The following ATG7 variants were observed in gnomAD, a reference collection of about 807,000 sequenced individuals.
The protein encoded by ATG7 is autophagy related 7.
ATG7 carries 70 observed loss-of-function variants against 82.4 expected under a neutral mutation model. That is an observed-to-expected ratio of 0.85 (90% CI 0.70 to 1.04). The LOEUF (loss-of-function observed/expected upper bound fraction) is 1.04. Ranked by LOEUF, ATG7 falls within the 50% of genes least tolerant of loss-of-function variation. The probability of loss-of-function intolerance (pLI) is 0.00; values close to 1 mark genes in which losing one functional copy is unlikely to be tolerated. For synonymous variants in ATG7, 287 were observed against 313.0 expected, an observed-to-expected ratio of 0.92 and a Z score of 0.88; for missense variants, 792 against 864.3, an observed-to-expected ratio of 0.92 and a Z score of 1.05.
intron 13 of ATG7, among the ~76,000 whole-genome samples, chr3:11,342,911 T>A: frequency 6.6e-6 from 1 of 151,258 alleles, no homozygotes; most frequent in Non-Finnish European, 1.5e-5. Flanking sequence ...ATGTCAATAT[T>A]TTATATATTT....
chr3:11,389,437 CTTTT>C (rs34261811), intron 19 of ATG7, among the ~76,000 whole-genome samples: 1 of 118,930 alleles, frequency 8.4e-6, no homozygotes, highest in African/African-American at 3.2e-5. Context: ...TTTGTTAGTG[CTTTT>C]TTTTTTTTTT....
intron 20 of ATG7, among the ~76,000 whole-genome samples, chr3:11,551,004 T>C (rs908407826): frequency 1.3e-5 from 2 of 152,200 alleles, no homozygotes; most frequent in African/African-American, 2.4e-5. Flanking sequence ...GAATCAATTT[T>C]ATCTTTTTCC....
chr3:11,438,907 G>T (rs888463414), intron 20 of ATG7, among the ~76,000 whole-genome samples: 1 of 152,140 alleles, frequency 6.6e-6, no homozygotes, highest in East Asian at 1.9e-4. Context: ...CCCTGTGACC[G>T]CTATTCTAGG....
chr3:11,560,749 G>A (rs571071732), downstream of ATG7, among the ~76,000 whole-genome samples: 9 of 152,282 alleles, frequency 5.9e-5, no homozygotes, highest in Admixed American at 2.0e-4. Flanking sequence ...TTAGTGGCCC[G>A]ACACTTAGCA....
chr3:11,518,545 C>CA lies in ATG7; in HGVS notation c.2080-36254dup, dbSNP rs907867265. Among the ~76,000 whole-genome samples, 808 of 120,506 alleles carry CA rather than the reference C, an allele frequency of 6.7e-3. 1 individual carries two copies. Among genetic ancestry groups the CA allele is most frequent in the African/African-American group, 0.011 (351 of 32,528 alleles). 79.1% of individuals were successfully genotyped at this position (120,506 alleles called of 152,430 possible). A position where few individuals can be genotyped will look rare whatever the true frequency, so the allele number is the denominator to read the frequency against. ...CTGTCAACAGAGCGAGACACCCTCT[C>CA]AAAAAAAAAAAAGAAAAAAAAAACC... is the stretch of plus-strand genomic sequence containing the variant. On this transcript the variant is annotated intron_variant, in intron 20 of 20. Transcript: ENST00000693202.
At chr3:11,478,448 G>A (rs568237078) in intron 20 of ATG7, among the ~76,000 whole-genome samples, 6 of 152,308 alleles carry the variant, frequency 3.9e-5, no homozygotes, top group African/African-American at 1.4e-4. Context: ...GCATATTAAA[G>A]ATGCCTGCTA....
intron 14 of ATG7, among the ~76,000 whole-genome samples, chr3:11,349,723 T>G (rs1355351031): frequency 6.6e-6 from 1 of 152,206 alleles, no homozygotes; most frequent in Non-Finnish European, 1.5e-5. Context: ...ATCTAATGTG[T>G]TATTTTTCCT....
intron 19 of ATG7, among the ~76,000 whole-genome samples, chr3:11,413,144 G>GGAT (rs929062653): frequency 2.0e-5 from 3 of 151,956 alleles, no homozygotes; most frequent in African/African-American, 7.3e-5. Context: ...TTTTCAATTT[G>GGAT]GATGCCTTTT....
At chr3:11,573,588 T>G in the ATG7 span, among the ~76,000 whole-genome samples, 1 of 152,192 alleles carries the variant, frequency 6.6e-6, no homozygotes, top group Non-Finnish European at 1.5e-5. Flanking sequence ...GCTGCTGCTG[T>G]GTATCCTCGG....
intron 3 of ATG7, among the ~76,000 whole-genome samples, chr3:11,295,979 T>C (rs977253956): frequency 6.6e-6 from 1 of 152,108 alleles, no homozygotes; most frequent in Non-Finnish European, 1.5e-5. Context: ...GGTTTCACCA[T>C]TTTGGTCAGG....
Position 11,360,562 on chromosome 3 carries a change from C to G in ATG7, c.1480-19C>G, listed in dbSNP as rs765207793. On this transcript the variant is annotated intron_variant, in intron 15 of 20. Coordinates refer to ENST00000693202, the MANE Select transcript of ATG7 (RefSeq NM_001349232.2). ...TATGTGTCTTTTAACTCTGCTCTTT[C>G]ATTCCTTGAAACCTGCAGCTGGTCA... 1.2e-5 allele frequency: 20 copies of G among 1,608,132 alleles called. No homozygotes were observed. Among genetic ancestry groups the G allele is most frequent in the African/African-American group, 5.4e-5 (4 of 74,760 alleles).
chr3:11,444,812 G>A (rs2084359541), intron 20 of ATG7, among the ~76,000 whole-genome samples: 1 of 152,234 alleles, frequency 6.6e-6, no homozygotes, highest in South Asian at 2.1e-4. Flanking sequence ...CTCAAACTAT[G>A]CATCTGACAA....
At chr3:11,533,448 T>C (rs1225653433) in intron 20 of ATG7, among the ~76,000 whole-genome samples, 1 of 151,440 alleles carries the variant, frequency 6.6e-6, no homozygotes, top group Non-Finnish European at 1.5e-5. Flanking sequence ...GCTTGCTTGC[T>C]GTTATTCTTC....
At chr3:11,523,536 T>G (rs555852537) in intron 20 of ATG7, among the ~76,000 whole-genome samples, 1 of 152,364 alleles carries the variant, frequency 6.6e-6, no homozygotes, top group African/African-American at 2.4e-5. Context: ...GAAAAGTCTG[T>G]GCTGCCATTC....
chr3:11,441,022 A>G (rs1021545238), intron 20 of ATG7, among the ~76,000 whole-genome samples: 3 of 152,248 alleles, frequency 2.0e-5, no homozygotes, highest in African/African-American at 7.2e-5. Context: ...AAAAAAATTC[A>G]GTATTAAACT....
chr3:11,277,925 C>T (rs1024420796), intron 1 of ATG7, among the ~76,000 whole-genome samples: 2 of 137,544 alleles, frequency 1.5e-5, no homozygotes, highest in Non-Finnish European at 3.1e-5. Flanking sequence ...CATTCCTTTC[C>T]CAGGGTCTTA....
intron 20 of ATG7, among the ~76,000 whole-genome samples, chr3:11,488,988 C>T (rs1361619843): frequency 1.3e-5 from 2 of 152,068 alleles, no homozygotes; most frequent in Non-Finnish European, 2.9e-5. Context: ...GTACCAGTTC[C>T]TCCTTGTACC....
intron 20 of ATG7, among the ~76,000 whole-genome samples, chr3:11,513,386 C>T (rs1423692840): frequency 6.6e-6 from 1 of 152,240 alleles, no homozygotes; most frequent in African/African-American, 2.4e-5. Context: ...GAGCCCTGCC[C>T]CGCGGGGAGG....
chr3:11,523,367 G>A lies in ATG7; in HGVS notation c.2080-31444G>A, dbSNP rs149874546. 4.2e-4 allele frequency among the ~76,000 whole-genome samples: 64 copies of A among 152,356 alleles called. 1 individual carries two copies. The highest frequency in any genetic ancestry group is 1.5e-3 in the African/African-American group (62 of 41,584). ...TTGCCCTCCACCTTGGTGACCCACC[G>A]CATACGGGGTACATCTATCTGGCCT... On this transcript the variant is annotated intron_variant, in intron 20 of 20. Transcript: ENST00000693202.
Sources: allele counts gnomAD v4.1 joint callset (sites outside exome capture counted in the v4.1 genomes callset), GRCh38; gene constraint gnomAD v4.1.1; transcripts MANE v1.5; gene names NCBI Gene and HGNC (gene_info 2026-07-23, HGNC 2026-07-21).